Variants in PCDHGA2 observed in about 807,000 individuals in gnomAD.
The protein encoded by PCDHGA2 is protocadherin gamma-A2.
Under a neutral mutation model 59.2 loss-of-function variants are expected in PCDHGA2, and 40 were observed. The observed-to-expected ratio is 0.68, with a 90% CI of 0.52 to 0.88. PCDHGA2 has a LOEUF of 0.88. Among genes scored for constraint, PCDHGA2 ranks in the 40% least tolerant of loss-of-function variants. The probability of loss-of-function intolerance (pLI) is 0.00; values close to 1 mark genes in which losing one functional copy is unlikely to be tolerated. For synonymous variants in PCDHGA2, 560 were observed against 526.0 expected, an observed-to-expected ratio of 1.06 and a Z score of -0.89; for missense variants, 1,226 against 1,204.0, an observed-to-expected ratio of 1.02 and a Z score of -0.27.
At position 141,339,219 on chromosome 5, in the gene PCDHGA2, G is replaced by A. The variant is rs1278686878; in HGVS notation, c.248G>A (p.Ser83Asn). Residue 83 changes from serine (S) to asparagine (N), a missense_variant, in exon 1 of 4, where the codon AGC (serine) becomes AAC (asparagine). By Grantham distance (46) the Ser-to-Asn change is conservative. Transcript: ENST00000394576. ...TTTGCTCTGAACCCGCGAAGCGGCA[G>A]CTTGGTCACTGCGAACAGGATAGAC... ...QLFALNPRSG[S>N]LVTANRIDRE... 2 of 1,614,054 alleles carry A rather than the reference G, an allele frequency of 1.2e-6. No homozygotes were observed. The highest frequency in any genetic ancestry group is 2.7e-5 in the African/African-American group (2 of 74,950).
intron 1 of PCDHGA2, chr5:141,351,487 G>A: frequency 6.2e-7 from 1 of 1,613,946 alleles, no homozygotes; most frequent in Non-Finnish European, 8.5e-7. Flanking sequence ...TAAACCGGGA[G>A]CAGACAGCAG....
At chr5:141,446,697 C>T (rs1254994356) in intron 1 of PCDHGA2, among the ~76,000 whole-genome samples, 9 of 152,134 alleles carry the variant, frequency 5.9e-5, no homozygotes, top group Admixed American at 5.9e-4. Context: ...AGGCTGGTCT[C>T]GAACTCTGAT....
chr5:141,359,937 C>T, intron 1 of PCDHGA2: 1 of 475,954 alleles, frequency 2.1e-6, no homozygotes, highest in Non-Finnish European at 3.5e-6. Context: ...CTCTGAGCGT[C>T]GCTGTTGGTC....
intron 1 of PCDHGA2, chr5:141,418,478 G>A (rs777772131): frequency 1.2e-6 from 2 of 1,613,858 alleles, no homozygotes; most frequent in Non-Finnish European, 1.7e-6. Flanking sequence ...AACGCAGAGC[G>A]CTCACCACTT....
chr5:141,398,051 C>T, intron 1 of PCDHGA2: 1 of 1,512,220 alleles, frequency 6.6e-7, no homozygotes, highest in Non-Finnish European at 8.9e-7. Flanking sequence ...GTTCGGAGAT[C>T]CAAAAATCTA....
chr5:141,374,708 C>T (rs974732178), intron 1 of PCDHGA2: 3 of 1,609,146 alleles, frequency 1.9e-6, no homozygotes, highest in South Asian at 2.2e-5. Flanking sequence ...AGCCGTTTAC[C>T]GCCTGGTCCT....
intron 1 of PCDHGA2, chr5:141,419,521 C>T (rs1418329404): frequency 1.2e-6 from 2 of 1,612,122 alleles, no homozygotes; most frequent in East Asian, 2.2e-5. Context: ...TGGTGGGCGA[C>T]CGTAACGACA....
At chr5:141,360,906 G>A in intron 1 of PCDHGA2, 4 of 1,614,012 alleles carry the variant, frequency 2.5e-6, no homozygotes, top group South Asian at 1.1e-5. Context: ...ACGTGCCGCC[G>A]GGCTTCTTTG....
At chr5:141,417,003 A>T (rs1444236854) in intron 1 of PCDHGA2, 1 of 150,264 alleles carries the variant, frequency 6.7e-6, no homozygotes, top group African/African-American at 2.5e-5. Flanking sequence ...CATCTCAAAT[A>T]ATTCTATTAT....
intron 1 of PCDHGA2, chr5:141,345,913 G>T (rs771512073): frequency 6.2e-7 from 1 of 1,613,122 alleles, no homozygotes; most frequent in Non-Finnish European, 8.5e-7. Flanking sequence ...GGCGAGGTGC[G>T]CACGGCGCGA....
intron 1 of PCDHGA2, among the ~76,000 whole-genome samples, chr5:141,454,796 A>AT (rs61612330): frequency 0.026 from 2,045 of 77,400 alleles, 387 homozygotes; most frequent in East Asian, 0.04. Flanking sequence ...CATGGTTCTA[A>AT]TTTTTTTTTT....
chr5:141,464,655 G>T (rs1326749316), intron 1 of PCDHGA2, among the ~76,000 whole-genome samples: 1 of 152,070 alleles, frequency 6.6e-6, no homozygotes. Flanking sequence ...TGGGTAAAAA[G>T]ATATCTCCAA....
intron 1 of PCDHGA2, chr5:141,408,201 C>A: frequency 6.5e-7 from 1 of 1,549,032 alleles, no homozygotes; most frequent in Non-Finnish European, 8.7e-7. Context: ...CCCGAGCGAA[C>A]GATGGGAGGG....
At chr5:141,363,397 A>C (rs571483394) in intron 1 of PCDHGA2, among the ~76,000 whole-genome samples, 8 of 152,204 alleles carry the variant, frequency 5.3e-5, no homozygotes, top group Non-Finnish European at 1.2e-4. Flanking sequence ...GTTGTCATAT[A>C]AAGATGATAG....
At chr5:141,433,097 G>A (rs777101945) in intron 1 of PCDHGA2, 11 of 1,614,044 alleles carry the variant, frequency 6.8e-6, no homozygotes, top group Admixed American at 3.3e-5. Flanking sequence ...AGACATGCTC[G>A]TCAGCCAGGA....
intron 1 of PCDHGA2, chr5:141,383,127 C>T (rs1778840587): frequency 3.7e-6 from 6 of 1,614,054 alleles, no homozygotes; most frequent in Non-Finnish European, 4.2e-6. Flanking sequence ...AGCTTTTCGC[C>T]CTGAACCAGC....
chr5:141,361,552 C>T, intron 1 of PCDHGA2: 1 of 1,614,060 alleles, frequency 6.2e-7, no homozygotes, highest in Non-Finnish European at 8.5e-7. Flanking sequence ...CTCTATCGCT[C>T]AAATCAGTGC....
Position 141,339,152 on chromosome 5 carries a change from G to A in PCDHGA2, c.181G>A (p.Glu61Lys), listed in dbSNP as rs369706288. The A allele has an allele frequency of 1.9e-6, 3 of 1,614,098 alleles. No homozygotes were observed. Among genetic ancestry groups the A allele is most frequent in the South Asian group, 2.2e-5 (2 of 91,096 alleles). The part of the protein sequence containing the change: ...DLGLEPLALA[E>K]QGVRIVSRGR... ...GGGTTTGGAGCCCCTGGCACTGGCA[G>A]AGCAGGGAGTCCGCATCGTCTCCAG... is the stretch of plus-strand genomic sequence containing the variant. Residue 61 changes from glutamate to lysine, a missense_variant, in exon 1 of 4, where the codon GAG becomes AAG. Transcript: ENST00000394576.
intron 1 of PCDHGA2, among the ~76,000 whole-genome samples, chr5:141,425,406 T>C (rs915792432): frequency 3.9e-5 from 6 of 152,222 alleles, no homozygotes; most frequent in Non-Finnish European, 7.3e-5. Flanking sequence ...TCTGTTAAGG[T>C]ATAACATATA....
Sources: gnomAD v4.1 joint callset for allele counts (sites outside exome capture counted in the v4.1 genomes callset) on GRCh38, gnomAD v4.1.1 for gene constraint, MANE v1.5 for transcripts, NCBI Gene and HGNC (gene_info 2026-07-23, HGNC 2026-07-21) for gene names.